Variants in ARHGEF28 observed in about 807,000 individuals in gnomAD.
The protein encoded by ARHGEF28 is 190 kDa guanine nucleotide exchange factor.
In ARHGEF28, 152 loss-of-function variants were observed where a neutral mutation model predicts 206.6. That is an observed-to-expected ratio of 0.74 (90% CI 0.64 to 0.84). The LOEUF is 0.84. Among genes scored for constraint, ARHGEF28 ranks in the 40% least tolerant of loss-of-function variants. The probability of loss-of-function intolerance (pLI) is 0.00; values close to 1 mark genes in which losing one functional copy is unlikely to be tolerated. For synonymous variants in ARHGEF28, 763 were observed against 776.4 expected (o/e 0.98, Z 0.29); for missense variants, 2,028 against 2,073.2 (o/e 0.98, Z 0.42).
At chr5:73,817,204 A>G (rs905778837) in intron 9 of ARHGEF28, among the ~76,000 whole-genome samples, 9 of 152,116 alleles carry the variant, frequency 5.9e-5, no homozygotes, top group African/African-American at 2.2e-4. Flanking sequence ...AGCTCATATC[A>G]TATGCTGCCT....
At position 73,909,530 on chromosome 5, in the gene ARHGEF28, C is replaced by G. The variant is rs757057591; in HGVS notation, c.4280C>G (p.Ser1427Cys). Residue 1427 changes from serine to cysteine, a missense_variant, in exon 34 of 36, where the codon TCT (serine) becomes TGT (cysteine). Ser to Cys is a moderately radical substitution (Grantham distance 112). Coordinates refer to ENST00000513042, the MANE Select transcript of ARHGEF28 (RefSeq NM_001177693.2). ...LRGGPLQDQK[S>C]RDADRQHEEL... Reference sequence around the variant, plus strand: ...GGCGGCCCCTTGCAGGACCAGAAGTCTCGCGACGCGGACAGGCAGCATGAG... The same window carrying G: ...GGCGGCCCCTTGCAGGACCAGAAGTGTCGCGACGCGGACAGGCAGCATGAG... The G allele has an allele frequency of 7.1e-5, 114 of 1,597,696 alleles. 3 individuals carry two copies. The South Asian group carries it at 1.0e-3, about 14-fold the overall frequency.
intron 9 of ARHGEF28, among the ~76,000 whole-genome samples, chr5:73,800,117 G>A (rs751861426): frequency 3.9e-5 from 6 of 152,040 alleles, no homozygotes; most frequent in Non-Finnish European, 8.8e-5. Context: ...CCCACCCAAA[G>A]GCAGTTACTA....
intron 1 of ARHGEF28, among the ~76,000 whole-genome samples, chr5:73,675,615 C>T (rs2112227094): frequency 6.6e-6 from 1 of 151,440 alleles, no homozygotes; most frequent in Non-Finnish European, 1.5e-5. Flanking sequence ...TGCCTGTGGT[C>T]CCAGCTACTT....
At chr5:73,920,873 C>T (rs1020767975) in intron 35 of ARHGEF28, among the ~76,000 whole-genome samples, 6 of 152,112 alleles carry the variant, frequency 3.9e-5, no homozygotes, top group African/African-American at 1.4e-4. Context: ...GAATCCAGTG[C>T]TGTCGCTGTA....
At chr5:73,795,224 T>C in intron 8 of ARHGEF28, 107 bp from the exon 9 acceptor site, 2 of 970,656 alleles carry the variant, frequency 2.1e-6, no homozygotes, top group Non-Finnish European at 3.2e-6. Flanking sequence ...ACTTGTAACA[T>C]GTTTTCATTG....
At chr5:73,706,270 G>A (rs1426184884) in intron 2 of ARHGEF28, among the ~76,000 whole-genome samples, 1 of 151,544 alleles carries the variant, frequency 6.6e-6, no homozygotes, top group African/African-American at 2.4e-5. Context: ...CTTGAATCCG[G>A]GAGGCAGAGG....
intron 18 of ARHGEF28, among the ~76,000 whole-genome samples, chr5:73,867,342 G>C (rs531468116): frequency 5.9e-5 from 9 of 152,144 alleles, no homozygotes; most frequent in Non-Finnish European, 1.2e-4. Flanking sequence ...AAACACAGAA[G>C]CCCTATTTAG....
chr5:73,792,384 C>T (rs551150896), intron 7 of ARHGEF28, among the ~76,000 whole-genome samples: 1 of 152,280 alleles, frequency 6.6e-6, no homozygotes, highest in African/African-American at 2.4e-5. Context: ...TGAACACATC[C>T]TCTGTAACTG....
In ARHGEF28 at chr5:73,920,645, G is replaced by A. The variant is rs184960446; in HGVS notation, c.4948+9070G>A. Among the ~76,000 whole-genome samples, 18 of 150,228 alleles carry A rather than the reference G, an allele frequency of 1.2e-4. No homozygotes were observed. The Admixed American group carries it at 1.2e-3, about 10-fold the overall frequency. ...GCTCACTGCAAGCTCCGCCTCTTGGGTTCATGCCATTCTCCTGCCTCAGCC... is the reference window on the plus strand; with the variant it reads ...GCTCACTGCAAGCTCCGCCTCTTGGATTCATGCCATTCTCCTGCCTCAGCC... On this transcript the variant is annotated intron_variant, in intron 35 of 35. Transcript: ENST00000513042.
At chr5:73,762,271 T>C (rs1752641925) in intron 4 of ARHGEF28, among the ~76,000 whole-genome samples, 3 of 151,830 alleles carry the variant, frequency 2.0e-5, no homozygotes, top group Admixed American at 1.3e-4. Flanking sequence ...GACTGACCAA[T>C]ATGGTGAAAC....
chr5:73,918,876 T>G (rs571210633), intron 35 of ARHGEF28, among the ~76,000 whole-genome samples: 24 of 152,358 alleles, frequency 1.6e-4, no homozygotes, highest in Admixed American at 5.9e-4. Context: ...GATTGTGATT[T>G]GAATCAGGGC....
intron 9 of ARHGEF28, among the ~76,000 whole-genome samples, chr5:73,797,951 A>T (rs1213440517): frequency 6.6e-6 from 1 of 152,222 alleles, no homozygotes; most frequent in Non-Finnish European, 1.5e-5. Flanking sequence ...AGCATGTGAC[A>T]TGTGACTGAG....
chr5:73,875,662 T>C (rs1192022936), intron 22 of ARHGEF28, among the ~76,000 whole-genome samples: 93 of 140,696 alleles, frequency 6.6e-4, no homozygotes, highest in African/African-American at 9.2e-4. Context: ...CCCAGCACCA[T>C]TTATTAAATA....
At chr5:73,635,321 G>A (rs1743633574) in intron 1 of ARHGEF28, among the ~76,000 whole-genome samples, 1 of 152,118 alleles carries the variant, frequency 6.6e-6, no homozygotes, top group Non-Finnish European at 1.5e-5. Context: ...TCCAGCCTGG[G>A]CAACAATAGT....
At chr5:73,846,662 C>G (rs943351257) in intron 12 of ARHGEF28, among the ~76,000 whole-genome samples, 187 bp downstream of exon 12, 1 of 152,098 alleles carries the variant, frequency 6.6e-6, no homozygotes, top group Non-Finnish European at 1.5e-5. Flanking sequence ...TTTTTATAAT[C>G]TTTACTCAAA....
At chr5:73,832,812 A>G (rs754073000) in intron 10 of ARHGEF28, among the ~76,000 whole-genome samples, 2 of 152,246 alleles carry the variant, frequency 1.3e-5, no homozygotes, top group Non-Finnish European at 2.9e-5. Flanking sequence ...TGACCTGATT[A>G]TGCAATATTT....
At chr5:73,752,603 A>G (rs1752075332) in intron 3 of ARHGEF28, among the ~76,000 whole-genome samples, 1 of 152,210 alleles carries the variant, frequency 6.6e-6, no homozygotes, top group Non-Finnish European at 1.5e-5. Flanking sequence ...GGGTCAGGGT[A>G]GGAGTAAAAG....
intron 4 of ARHGEF28, among the ~76,000 whole-genome samples, chr5:73,759,562 G>A (rs980032888): frequency 2.0e-5 from 3 of 152,158 alleles, no homozygotes; most frequent in Admixed American, 6.5e-5. Flanking sequence ...TTTAGAAGAC[G>A]TTTATAAGAG....
In ARHGEF28 at chr5:73,846,385, T is replaced by C; in HGVS notation, c.1545T>C (p.Asp515=). 1.2e-6 allele frequency: 2 copies of C among 1,613,994 alleles called. No individual in the cohort carries two copies. The highest frequency in any genetic ancestry group is 1.7e-6 in the Non-Finnish European group (2 of 1,179,860). The stretch of plus-strand genomic sequence containing the variant: ...CAAGAACTGGGATTCCTAGTGGGGA[T>C]GAATTGGACTCTTTTGAGACTAACA... ...SSSRTGIPSG[D]ELDSFETNTE... is the part of the protein sequence containing the mutation. Residue 515 remains aspartate (D), a synonymous_variant, in exon 12 of 36, where the codon GAT becomes GAC. Coordinates refer to ENST00000513042, the MANE Select transcript of ARHGEF28 (RefSeq NM_001177693.2).
Sources: gnomAD v4.1 joint callset for allele counts (sites outside exome capture counted in the v4.1 genomes callset) on GRCh38, gnomAD v4.1.1 for gene constraint, MANE v1.5 for transcripts, NCBI Gene and HGNC (gene_info 2026-07-23, HGNC 2026-07-21) for gene names.